The following ORM2 variants were observed in gnomAD, a reference collection of about 807,000 sequenced individuals.
The protein encoded by ORM2 is alpha-1-acid glycoprotein 2.
Under a neutral mutation model 26.8 loss-of-function variants are expected in ORM2, and 19 were observed. The observed-to-expected ratio is 0.71, with a 90% CI of 0.49 to 1.04. The LOEUF is 1.04. Ranked by LOEUF, ORM2 falls within the 50% of genes least tolerant of loss-of-function variation. The pLI is 0.00. For synonymous variants in ORM2, 94 were observed against 100.0 expected (o/e 0.94, Z 0.36); for missense variants, 259 against 244.9 (o/e 1.06, Z -0.39).
chr9:114,331,071 T>C (rs994074520), intron 3 of ORM2, among the ~76,000 whole-genome samples: 2 of 152,034 alleles, frequency 1.3e-5, no homozygotes, highest in African/African-American at 4.8e-5. Context: ...CCTCAAATAG[T>C]TTCCCCAAGG....
At chr9:114,332,368 C>T (rs891802036) in intron 5 of ORM2, among the ~76,000 whole-genome samples, 21 of 152,122 alleles carry the variant, frequency 1.4e-4, no homozygotes, top group Admixed American at 1.3e-3. Flanking sequence ...GTCACCATCC[C>T]GATTTTTGCT....
chr9:114,331,443 A>G lies in ORM2; in HGVS notation c.329-124A>G, dbSNP rs555646508. ...CAGGGGCTGGGCACACGGTGGCCCA[A>G]AGGAGACCCGGGCCTTCACTGATGG... On this transcript the variant is annotated intron_variant, in intron 3 of 5. Coordinates refer to ENST00000431067, the MANE Select transcript of ORM2 (RefSeq NM_000608.4). 9.5e-6 allele frequency: 7 copies of G among 736,384 alleles called. No homozygotes were observed. The African/African-American group carries it at 1.2e-4, about 13-fold the overall frequency. 45.6% of individuals were successfully genotyped at this position (736,384 alleles called of 1,614,324 possible). A position where few individuals can be genotyped will look rare whatever the true frequency, so the allele number is the denominator to read the frequency against.
At chr9:114,330,372 C>G (rs758687961) in intron 1 of ORM2, 62 bp from the exon 2 acceptor site, 60 of 1,550,498 alleles carry the variant, frequency 3.9e-5, no homozygotes, top group Admixed American at 3.0e-4. Context: ...TGAGTCTCCT[C>G]CCAGCTGACA....
intron 2 of ORM2, 45 bp from the exon 3 acceptor site, chr9:114,330,747 C>G: frequency 6.2e-7 from 1 of 1,605,368 alleles, no homozygotes; most frequent in Non-Finnish European, 8.5e-7. Flanking sequence ...GCCACTTCTC[C>G]TCGATAACAT....
At chr9:114,330,973 C>G (rs1254428452) in intron 3 of ORM2, 111 bp downstream of exon 3, 1 of 848,694 alleles carries the variant, frequency 1.2e-6, no homozygotes, top group African/African-American at 1.7e-5. Flanking sequence ...GAAATAACCA[C>G]TAACATTTTT....
chr9:114,331,137 C>CCT (rs1191874270), intron 3 of ORM2, among the ~76,000 whole-genome samples: 1 of 152,066 alleles, frequency 6.6e-6, no homozygotes, highest in Non-Finnish European at 1.5e-5. Flanking sequence ...TTCAGATCTG[C>CCT]CTCTCTCTCA....
rs573968009 is a variant in ORM2 at position 114,332,994 on chromosome 9, C to T, written c.541-75C>T. On this transcript the variant is annotated intron_variant, in intron 5 of 5. Coordinates refer to ENST00000431067, the MANE Select transcript of ORM2 (RefSeq NM_000608.4). Reference sequence around the variant, plus strand: ...TCCACAGGCCAGAGCTCATTCTGCCCTCTCCCCGGAAGACCTCCCACCCTG... The same window carrying T: ...TCCACAGGCCAGAGCTCATTCTGCCTTCTCCCCGGAAGACCTCCCACCCTG... 46 of 1,597,728 alleles carry T rather than the reference C, an allele frequency of 2.9e-5. No individual in the cohort carries two copies. The South Asian group carries it at 4.2e-4, about 15-fold the overall frequency.
chr9:114,332,203 T>C (rs1397778454), intron 5 of ORM2, among the ~76,000 whole-genome samples: 2 of 151,694 alleles, frequency 1.3e-5, no homozygotes, highest in African/African-American at 2.4e-5. Flanking sequence ...GGATTGGCAA[T>C]TGGAGGGGAC....
intron 1 of ORM2, 187 bp from the exon 2 acceptor site, chr9:114,330,247 G>A (rs769515268): frequency 4.0e-6 from 3 of 745,550 alleles, no homozygotes; most frequent in East Asian, 2.7e-5. Flanking sequence ...GTTCTGTGCT[G>A]GGCCTGGAGG....
rs776596119 is a variant in ORM2, at chr9:114,331,791, C to T, written c.437-35C>T. The T allele has an allele frequency of 6.2e-5, 99 of 1,606,236 alleles. 1 individual carries two copies. The highest frequency in any genetic ancestry group is 3.0e-4 in the Admixed American group (18 of 59,812). Reference sequence around the variant, plus strand: ...TCCCTGGCCTCCCGCCGGGCCCCACCATGTCCCCAGTCAGTCTCCTTGCTC... The same window carrying T: ...TCCCTGGCCTCCCGCCGGGCCCCACTATGTCCCCAGTCAGTCTCCTTGCTC... On this transcript the variant is annotated intron_variant, in intron 4 of 5. Transcript: ENST00000431067.
chr9:114,330,436 C>T lies in ORM2; in HGVS notation c.117C>T (p.Ile39=), dbSNP rs764695053. The T allele has an allele frequency of 6.4e-7, 1 of 1,572,614 alleles. No individual in the cohort carries two copies. Among genetic ancestry groups the T allele is most frequent in the Middle Eastern group, 1.7e-4 (1 of 5,960 alleles). ...VPITNATLDR[I]TGKWFYIASA... The stretch of plus-strand genomic sequence containing the variant: ...ACCAGCTCCCCCCTTCTCCCCAGAT[C>T]ACTGGCAAGTGGTTTTATATCGCAT... Residue 39 remains isoleucine, a splice_region_variant and synonymous_variant, in exon 2 of 6, where the codon ATC becomes ATT. Coordinates refer to ENST00000431067, the MANE Select transcript of ORM2 (RefSeq NM_000608.4).
intron 1 of ORM2, 83 bp downstream of exon 1, chr9:114,330,101 T>C: frequency 1.2e-6 from 2 of 1,611,490 alleles, no homozygotes; most frequent in South Asian, 2.2e-5. Context: ...CTGGCTGTGG[T>C]CGCACCCCCA....
chr9:114,330,501 A>G lies in ORM2; in HGVS notation c.182A>G (p.Glu61Gly). The G allele has an allele frequency of 6.2e-7, 1 of 1,611,748 alleles. No homozygotes were observed. The highest frequency in any genetic ancestry group is 1.1e-5 in the South Asian group (1 of 91,048). Residue 61 changes from glutamate (E) to glycine (G), a missense_variant, in exon 2 of 6, where the codon GAG becomes GGG. Physicochemically the swap from Glu to Gly is moderately conservative, Grantham distance 98. Transcript: ENST00000431067. ...RNEEYNKSVQEIQATFFYFTP... is the reference protein window; with the variant it reads ...RNEEYNKSVQGIQATFFYFTP... ...GAGGAGTACAATAAGTCGGTTCAGG[A>G]GATCCAAGCAACCTTCTTTTACTTT... is the stretch of plus-strand genomic sequence containing the variant.
Position 114,331,610 on chromosome 9 carries a change from CA to C in ORM2, c.373del (p.Thr125ProfsTer4). On this transcript the variant is annotated frameshift_variant, in exon 4 of 6. Transcript: ENST00000431067. LOFTEE classifies it high-confidence loss of function. ...TTGCTCACCTGCTGTTCCTTAGGGA[CA>C]CCAAGACCTTGATGTTTGGTTCCTA... ...HVAHLLFLRD[T>X]KTLMFGSYLD... The C allele has an allele frequency of 6.2e-7, 1 of 1,614,078 alleles. No individual in the cohort carries two copies. Among genetic ancestry groups the C allele is most frequent in the Non-Finnish European group, 8.5e-7 (1 of 1,180,022 alleles).
chr9:114,330,410 C>G, intron 1 of ORM2, 24 bp from the exon 2 acceptor site: 1 of 1,552,608 alleles, frequency 6.4e-7, no homozygotes, highest in Non-Finnish European at 8.7e-7. Flanking sequence ...AAGCCCCCAT[C>G]ACCAGCTCCC....
At chr9:114,332,126 A>C (rs1398528434) in intron 5 of ORM2, among the ~76,000 whole-genome samples, 197 bp downstream of exon 5, 1 of 151,728 alleles carries the variant, frequency 6.6e-6, no homozygotes, top group African/African-American at 2.4e-5. Context: ...AGGAGGGAGA[A>C]GTCCCTGTGA....
intron 3 of ORM2, 142 bp downstream of exon 3, chr9:114,331,004 G>A: frequency 3.1e-6 from 2 of 655,386 alleles, no homozygotes; most frequent in Non-Finnish European, 5.4e-6. Flanking sequence ...CACGTGCTCA[G>A]AAAAAATCCC....
At chr9:114,331,490 C>A in intron 3 of ORM2, 77 bp from the exon 4 acceptor site, 5 of 1,216,284 alleles carry the variant, frequency 4.1e-6, no homozygotes, top group Non-Finnish European at 6.0e-6. Flanking sequence ...CCGGACACAC[C>A]TAGGACTCCT....
At chr9:114,331,074 C>T (rs775506045) in intron 3 of ORM2, among the ~76,000 whole-genome samples, 1 of 152,078 alleles carries the variant, frequency 6.6e-6, no homozygotes, top group Non-Finnish European at 1.5e-5. Flanking sequence ...CAAATAGTTT[C>T]CCCAAGGTCA....
Sources: allele counts gnomAD v4.1 joint callset (sites outside exome capture counted in the v4.1 genomes callset), GRCh38; gene constraint gnomAD v4.1.1; transcripts MANE v1.5; gene names NCBI Gene and HGNC (gene_info 2026-07-23, HGNC 2026-07-21).